The following STK33 variants were observed in gnomAD, a reference collection of about 807,000 sequenced individuals.
The protein encoded by STK33 is serine/threonine-protein kinase 33.
A neutral mutation model predicts 58.0 loss-of-function variants in STK33; 52 were observed. That is an observed-to-expected ratio of 0.90 (90% CI 0.72 to 1.13). STK33 has a LOEUF of 1.13. STK33 is among the 50% of genes most tolerant of loss of function. The pLI, the probability that STK33 is intolerant of heterozygous loss-of-function variation, is 0.00. For missense variants in STK33, 630 were observed against 604.2 expected (o/e 1.04, Z -0.45); for synonymous variants, 215 against 200.1 (o/e 1.07, Z -0.63).
At chr11:8,348,341 A>G in the STK33 span, among the ~76,000 whole-genome samples, 8 of 152,308 alleles carry the variant, frequency 5.3e-5, no homozygotes, top group Non-Finnish European at 1.2e-4. Flanking sequence ...GAGACTTACA[A>G]TCTTGGCGGA....
chr11:8,530,999 A>AT (rs1435985051), intron 1 of STK33, among the ~76,000 whole-genome samples: 2 of 152,348 alleles, frequency 1.3e-5, no homozygotes, highest in Admixed American at 6.5e-5. Context: ...CCTCAAAAGC[A>AT]TTTTTTATGA....
chr11:8,534,558 C>G (rs917246800), intron 1 of STK33, among the ~76,000 whole-genome samples: 32 of 130,454 alleles, frequency 2.5e-4, no homozygotes, highest in African/African-American at 9.2e-4. Context: ...CTCTCTCTCT[C>G]TCTCTCTCTC....
At chr11:8,411,874 A>C (rs187656618) in intron 15 of STK33, among the ~76,000 whole-genome samples, 92 of 152,330 alleles carry the variant, frequency 6.0e-4, no homozygotes, top group Non-Finnish European at 5.0e-4. Context: ...TAGCATCCAC[A>C]AACAATTCAA....
chr11:8,588,738 A>G (rs2032123322), intron 1 of STK33, among the ~76,000 whole-genome samples: 1 of 152,202 alleles, frequency 6.6e-6, no homozygotes, highest in Admixed American at 6.5e-5. Flanking sequence ...AATCTACAAA[A>G]TGGAAGAAAA....
At chr11:8,502,650 G>C (rs957329532) in intron 1 of STK33, among the ~76,000 whole-genome samples, 1 of 152,032 alleles carries the variant, frequency 6.6e-6, no homozygotes, top group Non-Finnish European at 1.5e-5. Flanking sequence ...TTAGACTAAA[G>C]AGCTTCTGCA....
At chr11:8,509,023 G>A (rs1952092289) in intron 1 of STK33, among the ~76,000 whole-genome samples, 1 of 151,330 alleles carries the variant, frequency 6.6e-6, no homozygotes, top group African/African-American at 2.4e-5. Context: ...GGCTGGGACA[G>A]GAGAATCACT....
At chr11:8,377,980 C>G in the STK33 span, among the ~76,000 whole-genome samples, 1 of 152,184 alleles carries the variant, frequency 6.6e-6, no homozygotes, top group Non-Finnish European at 1.5e-5. Flanking sequence ...AAACACATCC[C>G]AAGCTCATGA....
intron 1 of STK33, among the ~76,000 whole-genome samples, chr11:8,558,236 G>C (rs74766554): frequency 6.6e-6 from 1 of 151,964 alleles, no homozygotes; most frequent in South Asian, 2.1e-4. Flanking sequence ...AAATGAAAAG[G>C]AAAAAAGACC....
At chr11:8,566,896 T>C (rs946499538) in intron 1 of STK33, among the ~76,000 whole-genome samples, 2 of 152,152 alleles carry the variant, frequency 1.3e-5, no homozygotes, top group Admixed American at 1.3e-4. Context: ...AGGCTGGGCG[T>C]GGCGGCTCAT....
rs1448931040 is a variant in STK33, at chr11:8,435,594, A to G, written c.1061-15T>C. 2.1e-6 allele frequency: 3 copies of G among 1,408,426 alleles called. No homozygotes were observed. Among genetic ancestry groups the G allele is most frequent in the African/African-American group, 2.9e-5 (2 of 69,528 alleles). 87.2% of individuals were successfully genotyped at this position (1,408,426 alleles called of 1,614,324 possible). On this transcript the variant is annotated splice_polypyrimidine_tract_variant and intron_variant, in intron 13 of 15. Coordinates refer to ENST00000687296, the MANE Select transcript of STK33 (RefSeq NM_001352389.2). ...AACACTTTTAGCTAAAAATAAGAAA[A>G]AAATCCTGAAAAATCTTATTTAACT...
At chr11:8,490,044 T>C (rs932749767) in intron 1 of STK33, among the ~76,000 whole-genome samples, 1 of 152,174 alleles carries the variant, frequency 6.6e-6, no homozygotes, top group Non-Finnish European at 1.5e-5. Context: ...CTGAGGTACC[T>C]GGTTCATCTC....
intron 8 of STK33, among the ~76,000 whole-genome samples, chr11:8,458,146 C>G (rs1947099704): frequency 6.6e-6 from 1 of 152,060 alleles, no homozygotes; most frequent in Non-Finnish European, 1.5e-5. Context: ...TCTAAATGAA[C>G]ATTCTAGCAG....
chr11:8,378,266 C>T, the STK33 span, among the ~76,000 whole-genome samples: 1 of 152,222 alleles, frequency 6.6e-6, no homozygotes, highest in Admixed American at 6.5e-5. Flanking sequence ...AGCCTGTAAT[C>T]CCAGCACTTC....
chr11:8,482,419 T>C (rs1346693074), intron 1 of STK33, among the ~76,000 whole-genome samples: 1 of 152,160 alleles, frequency 6.6e-6, no homozygotes, highest in Non-Finnish European at 1.5e-5. Flanking sequence ...TAATAGTTTA[T>C]GTATATATCC....
At chr11:8,411,170 G>A (rs769408380) in intron 15 of STK33, among the ~76,000 whole-genome samples, 5 of 152,180 alleles carry the variant, frequency 3.3e-5, no homozygotes, top group Non-Finnish European at 7.3e-5. Context: ...GAATTCAGAG[G>A]ATTACCAATA....
chr11:8,514,414 G>A (rs927567847), intron 1 of STK33, among the ~76,000 whole-genome samples: 2 of 152,148 alleles, frequency 1.3e-5, no homozygotes, highest in African/African-American at 2.4e-5. Context: ...AATCTGAGCT[G>A]TAAAAAATTA....
intron 1 of STK33, among the ~76,000 whole-genome samples, chr11:8,551,246 C>T (rs573967365): frequency 1.2e-4 from 18 of 152,104 alleles, no homozygotes; most frequent in African/African-American, 3.6e-4. Context: ...TCTCCTGCCT[C>T]GGCCTCCTGA....
intron 2 of STK33, among the ~76,000 whole-genome samples, chr11:8,478,562 G>C (rs916614554): frequency 3.3e-5 from 5 of 151,942 alleles, no homozygotes; most frequent in African/African-American, 9.7e-5. Flanking sequence ...TTTACATATT[G>C]GCCCTAGAAG....
chr11:8,339,683 C>A, the STK33 span, among the ~76,000 whole-genome samples: 1 of 142,530 alleles, frequency 7.0e-6, no homozygotes, highest in Admixed American at 6.9e-5. Flanking sequence ...TTCTCTACAG[C>A]GGGGGCTGCA....
Sources: allele counts gnomAD v4.1 joint callset (sites outside exome capture counted in the v4.1 genomes callset), GRCh38; gene constraint gnomAD v4.1.1; transcripts MANE v1.5; gene names NCBI Gene and HGNC (gene_info 2026-07-23, HGNC 2026-07-21).